The following RASEF variants were observed in gnomAD, a reference collection of about 807,000 sequenced individuals.
The protein encoded by RASEF is RAS and EF-hand domain containing, also known as ras and EF-hand domain-containing protein.
In RASEF, 68 loss-of-function variants were observed where a neutral mutation model predicts 90.1. The ratio of observed to expected loss-of-function variants is 0.75; its 90% confidence interval spans 0.62 to 0.92. RASEF has a LOEUF of 0.92. Among genes scored for constraint, RASEF ranks in the 40% least tolerant of loss-of-function variants. The pLI is 0.00. For synonymous variants in RASEF, 331 were observed against 345.2 expected (o/e 0.96, Z 0.46); for missense variants, 949 against 937.2 (o/e 1.01, Z -0.16).
intron 1 of RASEF, among the ~76,000 whole-genome samples, chr9:83,026,785 C>T (rs1380642845): frequency 6.6e-6 from 1 of 152,188 alleles, no homozygotes; most frequent in African/African-American, 2.4e-5. Context: ...ATTCTCTTGA[C>T]ACCAAATGTG....
the RASEF span, among the ~76,000 whole-genome samples, chr9:83,150,082 T>C: frequency 6.6e-6 from 1 of 152,158 alleles, no homozygotes; most frequent in East Asian, 1.9e-4. Context: ...CCTTGACAAC[T>C]TGCTACAACT....
chr9:83,059,431 T>C lies in RASEF; in HGVS notation c.431+3006A>G, dbSNP rs78448248. Among the ~76,000 whole-genome samples the C allele has an allele frequency of 6.9e-3, 1,037 of 150,804 alleles. 11 individuals carry two copies. The highest frequency in any genetic ancestry group is 0.024 in the African/African-American group (999 of 41,024). On this transcript the variant is annotated intron_variant, in intron 1 of 16. Coordinates refer to ENST00000376447, the MANE Select transcript of RASEF (RefSeq NM_152573.4). ...AAAATGCTCACAGCATGAACTACAC[T>C]CTCTCTCAAAATGCAGATATATGAA...
chr9:83,202,119 G>A, the RASEF span: 1 of 101,254 alleles, frequency 9.9e-6, no homozygotes, highest in African/African-American at 2.9e-5. Context: ...CCTACTTCCT[G>A]TCCAAAAAAA....
the RASEF span, among the ~76,000 whole-genome samples, chr9:83,141,971 A>G: frequency 2.0e-5 from 3 of 152,354 alleles, no homozygotes; most frequent in African/African-American, 7.2e-5. Context: ...TGACATTTAT[A>G]TGCCAATACA....
At chr9:83,180,742 G>A in the RASEF span, among the ~76,000 whole-genome samples, 2 of 152,162 alleles carry the variant, frequency 1.3e-5, no homozygotes, top group African/African-American at 4.8e-5. Context: ...CCTGGGTCAT[G>A]TATCCACCCT....
At chr9:83,104,506 C>T in the RASEF span, among the ~76,000 whole-genome samples, 2 of 152,160 alleles carry the variant, frequency 1.3e-5, no homozygotes, top group African/African-American at 4.8e-5. Context: ...ATGTTGTATG[C>T]AACCACAGAG....
the RASEF span, among the ~76,000 whole-genome samples, chr9:83,187,347 G>A: frequency 3.3e-5 from 5 of 152,020 alleles, no homozygotes; most frequent in Non-Finnish European, 5.9e-5. Flanking sequence ...TTAAAAATAT[G>A]GGGTTTACTC....
At chr9:83,141,851 T>A in the RASEF span, among the ~76,000 whole-genome samples, 1 of 152,168 alleles carries the variant, frequency 6.6e-6, no homozygotes, top group South Asian at 2.1e-4. Flanking sequence ...AGCTAGGGGT[T>A]GGGAGTAGGG....
Position 83,001,149 on chromosome 9 carries a change from A to G in RASEF, c.1203-19T>C, listed in dbSNP as rs577966069. On this transcript the variant is annotated intron_variant, in intron 9 of 16. Transcript: ENST00000376447. ...GGATGACCTGGTAATAAAGGGGAAGACCAATTTACCTGAGGGCTGGAAATG... is the reference window on the plus strand; with the variant it reads ...GGATGACCTGGTAATAAAGGGGAAGGCCAATTTACCTGAGGGCTGGAAATG... 291 of 1,565,864 alleles carry G rather than the reference A, an allele frequency of 1.9e-4. 3 individuals carry two copies. The South Asian group carries it at 3.1e-3, about 17-fold the overall frequency.
the RASEF span, among the ~76,000 whole-genome samples, chr9:83,210,208 A>G: frequency 2.0e-5 from 3 of 152,186 alleles, no homozygotes; most frequent in Non-Finnish European, 4.4e-5. Context: ...CATATTTGCA[A>G]GGAAAATCAG....
intron 1 of RASEF, chr9:83,055,140 C>G (rs1216171138): frequency 1.8e-5 from 3 of 170,398 alleles, no homozygotes; most frequent in African/African-American, 2.6e-5. Context: ...GCCCCTCCCC[C>G]AGCCTCGTTG....
At chr9:83,049,100 G>T (rs551734766) in intron 1 of RASEF, among the ~76,000 whole-genome samples, 2 of 150,950 alleles carry the variant, frequency 1.3e-5, no homozygotes, top group East Asian at 3.9e-4. Flanking sequence ...CTCCAGCCAG[G>T]GTGACAGAGT....
intron 13 of RASEF, among the ~76,000 whole-genome samples, chr9:82,997,760 G>T (rs1302029337): frequency 3.9e-5 from 6 of 152,168 alleles, no homozygotes; most frequent in Non-Finnish European, 8.8e-5. Flanking sequence ...TGAGCACCAT[G>T]GGGGCAGGTA....
chr9:83,048,744 A>G (rs1266224454), intron 1 of RASEF: 1 of 984,658 alleles, frequency 1.0e-6, no homozygotes, highest in Non-Finnish European at 1.2e-6. Flanking sequence ...GAGAAATGAA[A>G]CACTTATGTT....
At chr9:83,113,108 C>T in the RASEF span, among the ~76,000 whole-genome samples, 60,174 of 151,938 alleles carry the variant, frequency 0.4, 12,263 homozygotes, top group East Asian at 0.71. Context: ...GGACCCTGAA[C>T]GGAGGGACCG....
the RASEF span, among the ~76,000 whole-genome samples, chr9:83,146,263 G>A: frequency 2.0e-5 from 3 of 151,874 alleles, no homozygotes; most frequent in East Asian, 5.8e-4. Flanking sequence ...CTTGAAAAAG[G>A]GAAATATAAA....
intron 1 of RASEF, among the ~76,000 whole-genome samples, chr9:83,026,401 C>A (rs780534583): frequency 2.6e-5 from 4 of 152,062 alleles, no homozygotes; most frequent in Non-Finnish European, 5.9e-5. Flanking sequence ...ACTCACAGTT[C>A]CACATGACTG....
chr9:83,078,676 AAG>A, the RASEF span, among the ~76,000 whole-genome samples: 1 of 151,470 alleles, frequency 6.6e-6, no homozygotes, highest in African/African-American at 2.4e-5. Flanking sequence ...GAAAAAAAAA[AAG>A]AGAGAGAGAG....
At chr9:83,159,514 A>T in the RASEF span, among the ~76,000 whole-genome samples, 1 of 152,224 alleles carries the variant, frequency 6.6e-6, no homozygotes, top group East Asian at 1.9e-4. Flanking sequence ...TAAAAAATTA[A>T]ATGATCAGAA....
Sources: allele counts gnomAD v4.1 joint callset (sites outside exome capture counted in the v4.1 genomes callset), GRCh38; gene constraint gnomAD v4.1.1; transcripts MANE v1.5; gene names NCBI Gene and HGNC (gene_info 2026-07-23, HGNC 2026-07-21).